Variants in DENND5B observed in about 807,000 individuals in gnomAD.
DENND5B encodes the protein DENN domain containing 5B.
A neutral mutation model predicts 140.6 loss-of-function variants in DENND5B; 34 were observed. The observed-to-expected ratio is 0.24, with a 90% CI of 0.18 to 0.32. The LOEUF (loss-of-function observed/expected upper bound fraction) is 0.32, where lower values mean the gene tolerates loss of function less well. DENND5B is among the 10% of genes least tolerant of loss of function. The pLI, the probability that DENND5B is intolerant of heterozygous loss-of-function variation, is 1.00. For missense variants in DENND5B, 1,142 were observed against 1,560.2 expected, an observed-to-expected ratio of 0.73 and a Z score of 4.52; for synonymous variants, 551 against 562.1, an observed-to-expected ratio of 0.98 and a Z score of 0.28.
At position 31,410,940 on chromosome 12, in the gene DENND5B, T is replaced by C. The variant is rs936614944; in HGVS notation, c.2682-1556A>G. ...TAAGAGAACATGCATAGAAGAAAAG[T>C]ACAGAAGAAAATGTGAAATACTTAG... On this transcript the variant is annotated intron_variant, in intron 13 of 20. Coordinates refer to ENST00000389082, the MANE Select transcript of DENND5B (RefSeq NM_144973.4). Among the ~76,000 whole-genome samples, 5 of 152,176 alleles carry C rather than the reference T, an allele frequency of 3.3e-5. No individual in the cohort carries two copies. In the East Asian group the frequency reaches 9.7e-4, roughly 29 times the overall value.
chr12:31,550,895 C>G (rs1266141819), intron 1 of DENND5B, among the ~76,000 whole-genome samples: 1 of 152,066 alleles, frequency 6.6e-6, no homozygotes, highest in Non-Finnish European at 1.5e-5. Flanking sequence ...TATCCTTCGC[C>G]CACTTGTTGA....
At chr12:31,494,371 A>T (rs10843957) in intron 2 of DENND5B, among the ~76,000 whole-genome samples, 58,104 of 151,718 alleles carry the variant, frequency 0.38, 11,961 homozygotes, top group East Asian at 0.57. Flanking sequence ...AACATCATGC[A>T]GGGATAAAAG....
intron 1 of DENND5B, among the ~76,000 whole-genome samples, chr12:31,551,580 G>GT (rs1159006535): frequency 6.6e-6 from 1 of 152,174 alleles, no homozygotes; most frequent in African/African-American, 2.4e-5. Context: ...CTTTAAAGTA[G>GT]TTTTTTCCAA....
intron 4 of DENND5B, 94 bp from the exon 5 acceptor site, chr12:31,452,570 T>A (rs1944583998): frequency 1.5e-6 from 2 of 1,347,872 alleles, no homozygotes; most frequent in South Asian, 3.2e-5. Flanking sequence ...TCACACATAA[T>A]CCCAGCACTT....
At chr12:31,456,636 T>A (rs1944791058) in intron 4 of DENND5B, among the ~76,000 whole-genome samples, 1 of 152,216 alleles carries the variant, frequency 6.6e-6, no homozygotes, top group Non-Finnish European at 1.5e-5. Context: ...GAGGAGATGG[T>A]CATTTGGGGG....
intron 3 of DENND5B, among the ~76,000 whole-genome samples, chr12:31,473,924 G>A (rs1395754418): frequency 6.6e-6 from 1 of 152,176 alleles, no homozygotes; most frequent in Non-Finnish European, 1.5e-5. Flanking sequence ...AGAACCTTCT[G>A]CATTTAATTG....
intron 9 of DENND5B, 64 bp downstream of exon 9, chr12:31,426,229 T>G: frequency 6.6e-7 from 1 of 1,519,336 alleles, no homozygotes; most frequent in East Asian, 2.3e-5. Context: ...ACTCAGTTCA[T>G]CTTAGCCTCA....
chr12:31,389,207 G>C, intron 20 of DENND5B, 117 bp downstream of exon 20: 1 of 1,004,340 alleles, frequency 1.0e-6, no homozygotes, highest in Non-Finnish European at 1.4e-6. Context: ...AAAAGAAAAA[G>C]TAAAAGGAAA....
At chr12:31,514,853 T>C (rs1346335263) in intron 1 of DENND5B, among the ~76,000 whole-genome samples, 3 of 151,004 alleles carry the variant, frequency 2.0e-5, no homozygotes, top group Non-Finnish European at 2.9e-5. Flanking sequence ...TTTGTGACAC[T>C]GGGTGCAGTG....
intron 8 of DENND5B, chr12:31,426,645 C>A: frequency 2.3e-6 from 1 of 429,022 alleles, no homozygotes; most frequent in Non-Finnish European, 4.2e-6. Context: ...GTGACAGAAA[C>A]CCCATCACGT....
intron 1 of DENND5B, among the ~76,000 whole-genome samples, chr12:31,565,056 C>T (rs1010260036): frequency 6.6e-6 from 1 of 152,122 alleles, no homozygotes; most frequent in Admixed American, 6.5e-5. Context: ...CTCAAGATGA[C>T]CCTCAATGAT....
At chr12:31,389,223 C>A in intron 20 of DENND5B, 101 bp downstream of exon 20, 2 of 1,130,714 alleles carry the variant, frequency 1.8e-6, no homozygotes, top group South Asian at 2.1e-5. Flanking sequence ...GGAAAGAAAC[C>A]CAAAGGAGAG....
In DENND5B at chr12:31,535,439, T is replaced by TAC. The variant is rs748925730; in HGVS notation, c.128-39522_128-39521dup. 2.8e-3 allele frequency among the ~76,000 whole-genome samples: 421 copies of TAC among 149,862 alleles called. 1 individual carries two copies. Among genetic ancestry groups the TAC allele is most frequent in the African/African-American group, 7.4e-3 (304 of 40,848 alleles). Reference sequence around the variant, plus strand: ...ACACACACACACACATATATACACATACACACACACACACACTCTGACTCA... The same window carrying TAC: ...ACACACACACACACATATATACACATACACACACACACACACACTCTGACTCA... On this transcript the variant is annotated intron_variant, in intron 1 of 20. Transcript: ENST00000389082.
At chr12:31,449,837 T>C (rs564609522) in intron 5 of DENND5B, among the ~76,000 whole-genome samples, 175 of 150,902 alleles carry the variant, frequency 1.2e-3, no homozygotes, top group African/African-American at 3.7e-3. Context: ...TTCATGCCAT[T>C]CTTCTGCCTC....
At chr12:31,482,016 G>C (rs942275800) in intron 2 of DENND5B, among the ~76,000 whole-genome samples, 4 of 152,096 alleles carry the variant, frequency 2.6e-5, no homozygotes, top group African/African-American at 9.7e-5. Context: ...TAAGATTTCT[G>C]GGTTCCCACT....
intron 1 of DENND5B, among the ~76,000 whole-genome samples, chr12:31,552,647 C>T (rs561825528): frequency 2.0e-5 from 3 of 152,284 alleles, no homozygotes; most frequent in African/African-American, 7.2e-5. Flanking sequence ...GGTACCAGCT[C>T]CTCCTTGTAC....
chr12:31,496,180 T>C (rs1481703299), intron 1 of DENND5B, among the ~76,000 whole-genome samples: 1 of 152,220 alleles, frequency 6.6e-6, no homozygotes, highest in Non-Finnish European at 1.5e-5. Flanking sequence ...AATATAATCA[T>C]TGCTGTAACC....
chr12:31,445,235 C>A (rs1283960716), intron 6 of DENND5B, among the ~76,000 whole-genome samples: 1 of 152,164 alleles, frequency 6.6e-6, no homozygotes, highest in Non-Finnish European at 1.5e-5. Context: ...TTACATAGTT[C>A]TTTCTTGAAT....
At chr12:31,463,108 T>C (rs753604628) in intron 3 of DENND5B, among the ~76,000 whole-genome samples, 3 of 151,528 alleles carry the variant, frequency 2.0e-5, no homozygotes, top group Non-Finnish European at 4.4e-5. Context: ...AGTAAAAATA[T>C]AAAAATTAGG....
Sources: gnomAD v4.1 joint callset for allele counts (sites outside exome capture counted in the v4.1 genomes callset) on GRCh38, gnomAD v4.1.1 for gene constraint, MANE v1.5 for transcripts, NCBI Gene and HGNC (gene_info 2026-07-23, HGNC 2026-07-21) for gene names.